Variants in TRIO observed in about 807,000 individuals in gnomAD.
The protein encoded by TRIO is trio Rho guanine nucleotide exchange factor, also known as triple functional domain protein.
In TRIO, 58 loss-of-function variants were observed where a neutral mutation model predicts 351.9. The observed-to-expected ratio is 0.16, with a 90% CI of 0.13 to 0.21. TRIO has a LOEUF of 0.21. TRIO is among the 10% of genes least tolerant of loss of function. The pLI is 1.00. For missense variants in TRIO, 3,201 were observed against 4,027.8 expected (o/e 0.79, Z 5.56); for synonymous variants, 1,758 against 1,595.7 (o/e 1.10, Z -2.42).
intron 1 of TRIO, among the ~76,000 whole-genome samples, chr5:14,248,133 C>T (rs1297865566): frequency 6.6e-6 from 1 of 151,262 alleles, no homozygotes; most frequent in Non-Finnish European, 1.5e-5. Flanking sequence ...TAGCTTATGA[C>T]TGTGGGATGT....
intron 1 of TRIO, among the ~76,000 whole-genome samples, chr5:14,233,508 T>A (rs1793589111): frequency 2.0e-5 from 3 of 151,536 alleles, no homozygotes; most frequent in African/African-American, 4.9e-5. Context: ...AAAAAAGGAA[T>A]CATGTAACTG....
chr5:14,416,795 A>G (rs1749681041), intron 33 of TRIO, among the ~76,000 whole-genome samples: 1 of 152,126 alleles, frequency 6.6e-6, no homozygotes, highest in Non-Finnish European at 1.5e-5. Flanking sequence ...TGGAAAATTA[A>G]TAAGACTCTG....
chr5:14,465,893 CT>C, intron 37 of TRIO: 1 of 470,732 alleles, frequency 2.1e-6, no homozygotes, highest in South Asian at 2.4e-5. Context: ...AAGGGAAGAA[CT>C]GCATAGGGCA....
chr5:14,217,994 T>C (rs1792332801), intron 1 of TRIO, among the ~76,000 whole-genome samples: 1 of 152,212 alleles, frequency 6.6e-6, no homozygotes, highest in East Asian at 1.9e-4. Flanking sequence ...GAAAGAAGAC[T>C]CTGCTTTTCT....
intron 10 of TRIO, among the ~76,000 whole-genome samples, chr5:14,333,433 G>C (rs1306509086): frequency 6.6e-6 from 1 of 152,152 alleles, no homozygotes; most frequent in African/African-American, 2.4e-5. Context: ...GATAATTTAA[G>C]TTACCTGGGG....
chr5:14,307,231 G>T lies in TRIO; in HGVS notation c.1500+2639G>T, dbSNP rs374003271. 1.4e-3 allele frequency among the ~76,000 whole-genome samples: 213 copies of T among 152,220 alleles called. 6 individuals carry two copies. The South Asian group carries it at 0.043, about 31-fold the overall frequency. On this transcript the variant is annotated intron_variant, in intron 8 of 56. Transcript: ENST00000344204. ...TCTCTCCCCACTGCCTCTCTCTCCA[G>T]TCAGCAAAGCACCATTGATACAACA...
intron 1 of TRIO, among the ~76,000 whole-genome samples, chr5:14,233,188 G>T (rs1332184192): frequency 3.9e-5 from 6 of 151,952 alleles, no homozygotes; most frequent in Admixed American, 3.9e-4. Context: ...CTGCTGAAGG[G>T]TCTTAAAGAA....
intron 1 of TRIO, among the ~76,000 whole-genome samples, chr5:14,221,176 C>G (rs1792592970): frequency 6.6e-6 from 1 of 152,192 alleles, no homozygotes; most frequent in Non-Finnish European, 1.5e-5. Flanking sequence ...CTGTTGACAG[C>G]ATGGTTTACT....
chr5:14,376,850 G>C (rs1297402561), intron 19 of TRIO, among the ~76,000 whole-genome samples: 1 of 152,140 alleles, frequency 6.6e-6, no homozygotes, highest in East Asian at 1.9e-4. Flanking sequence ...CCATAATAGA[G>C]GATCATGATT....
chr5:14,270,265 G>A (rs1795904784), intron 1 of TRIO, among the ~76,000 whole-genome samples: 1 of 152,152 alleles, frequency 6.6e-6, no homozygotes, highest in South Asian at 2.1e-4. Flanking sequence ...ATTAGCCATT[G>A]ACATTCCTCC....
At chr5:14,465,683 G>T (rs1380487636) in intron 37 of TRIO, 43 bp downstream of exon 37, 5 of 1,602,478 alleles carry the variant, frequency 3.1e-6, no homozygotes, top group African/African-American at 2.7e-5. Flanking sequence ...AAGCTGCTCT[G>T]TGTTGCTACT....
At chr5:14,287,615 CAA>C (rs1343565666) in intron 4 of TRIO, among the ~76,000 whole-genome samples, 1 of 152,148 alleles carries the variant, frequency 6.6e-6, no homozygotes, top group South Asian at 2.1e-4. Context: ...GTGGTAAAAA[CAA>C]GACAAAACCC....
chr5:14,350,871 TG>T (rs1234856007), intron 11 of TRIO, among the ~76,000 whole-genome samples: 1 of 151,962 alleles, frequency 6.6e-6, no homozygotes, highest in Non-Finnish European at 1.5e-5. Context: ...GCGGTGTTGG[TG>T]GGGGCAGGGA....
chr5:14,183,525 A>G (rs1581296867), intron 1 of TRIO, among the ~76,000 whole-genome samples: 2 of 152,180 alleles, frequency 1.3e-5, no homozygotes, highest in East Asian at 1.9e-4. Context: ...ACTTTCTTTG[A>G]CTAAAATTGA....
At chr5:14,296,144 A>G (rs1033582123) in intron 6 of TRIO, among the ~76,000 whole-genome samples, 44 of 152,116 alleles carry the variant, frequency 2.9e-4, no homozygotes, top group South Asian at 8.3e-4. Flanking sequence ...AGGGGGAAAA[A>G]CGTAGGGAAG....
At chr5:14,301,278 A>G (rs970619498) in intron 7 of TRIO, among the ~76,000 whole-genome samples, 2 of 151,994 alleles carry the variant, frequency 1.3e-5, no homozygotes, top group African/African-American at 4.8e-5. Context: ...CTTTCTTAAT[A>G]CGACCATTCT....
intron 33 of TRIO, among the ~76,000 whole-genome samples, chr5:14,417,400 G>T (rs527629946): frequency 6.6e-6 from 1 of 152,334 alleles, no homozygotes; most frequent in East Asian, 1.9e-4. Flanking sequence ...TAAAAGATAG[G>T]CTCCTACAAC....
chr5:14,335,713 C>T (rs985467061), intron 10 of TRIO, among the ~76,000 whole-genome samples: 5 of 152,188 alleles, frequency 3.3e-5, no homozygotes, highest in African/African-American at 1.2e-4. Flanking sequence ...GCCTGTAATC[C>T]TGGTACTTTG....
intron 34 of TRIO, among the ~76,000 whole-genome samples, chr5:14,447,861 C>T (rs902534064): frequency 2.6e-5 from 4 of 152,172 alleles, no homozygotes; most frequent in Non-Finnish European, 5.9e-5. Flanking sequence ...TGGGTGAGCA[C>T]CTCTGGAAGG....
Sources: gnomAD v4.1 joint callset for allele counts (sites outside exome capture counted in the v4.1 genomes callset) on GRCh38, gnomAD v4.1.1 for gene constraint, MANE v1.5 for transcripts, NCBI Gene and HGNC (gene_info 2026-07-23, HGNC 2026-07-21) for gene names.